The following DPP10 variants were observed in gnomAD, a reference collection of about 807,000 sequenced individuals.
The protein encoded by DPP10 is dipeptidyl peptidase like 10.
Under a neutral mutation model 120.9 loss-of-function variants are expected in DPP10, and 33 were observed. That is an observed-to-expected ratio of 0.27 (90% CI 0.21 to 0.37). DPP10 has a LOEUF of 0.37. DPP10 is among the 10% of genes least tolerant of loss of function. The pLI is 1.00. For synonymous variants in DPP10, 337 were observed against 326.1 expected (o/e 1.03, Z -0.36); for missense variants, 816 against 942.8 (o/e 0.87, Z 1.76).
At chr2:115,033,623 T>C in intron 1 of DPP10, among the ~76,000 whole-genome samples, 1 of 152,050 alleles carries the variant, frequency 6.6e-6, no homozygotes, top group East Asian at 1.9e-4. Flanking sequence ...TTCTGATTTC[T>C]AGTTTTATTT....
intron 1 of DPP10, among the ~76,000 whole-genome samples, chr2:114,749,558 A>C (rs190123817): frequency 2.9e-5 from 4 of 137,684 alleles, no homozygotes; most frequent in African/African-American, 1.1e-4. Flanking sequence ...CTTTTATTTT[A>C]TTTTATTTTA....
chr2:114,606,502 T>G (rs985623994), intron 1 of DPP10, among the ~76,000 whole-genome samples: 14 of 152,164 alleles, frequency 9.2e-5, no homozygotes, highest in African/African-American at 3.1e-4. Context: ...GGGAGTCATT[T>G]GTTAAGTTCT....
At chr2:114,513,427 AG>A (rs1684319861) in intron 1 of DPP10, among the ~76,000 whole-genome samples, 1 of 150,418 alleles carries the variant, frequency 6.6e-6, no homozygotes, top group Admixed American at 6.7e-5. Flanking sequence ...AGGCTGAGGC[AG>A]GAGAATTGCT....
intron 1 of DPP10, among the ~76,000 whole-genome samples, chr2:114,679,099 A>C (rs781468940): frequency 1.1e-3 from 162 of 152,166 alleles, no homozygotes; most frequent in Non-Finnish European, 2.0e-3. Context: ...TTTTCAGACA[A>C]GTTCTGATTA....
chr2:115,555,313 G>T (rs561619462), intron 5 of DPP10, among the ~76,000 whole-genome samples: 1 of 152,094 alleles, frequency 6.6e-6, no homozygotes, highest in East Asian at 1.9e-4. Context: ...CATACAAATT[G>T]TATTAATGTT....
chr2:114,658,166 G>C (rs1697104034), intron 1 of DPP10, among the ~76,000 whole-genome samples: 1 of 152,154 alleles, frequency 6.6e-6, no homozygotes, highest in African/African-American at 2.4e-5. Context: ...GTGTGTAAGG[G>C]GGTAACAAGG....
chr2:114,973,519 G>A (rs867819227), intron 1 of DPP10, among the ~76,000 whole-genome samples: 10 of 151,650 alleles, frequency 6.6e-5, no homozygotes, highest in South Asian at 2.1e-4. Flanking sequence ...AAAATTAGCC[G>A]GGCGTGGTGG....
intron 1 of DPP10, among the ~76,000 whole-genome samples, chr2:115,013,392 G>A (rs1432187881): frequency 6.6e-6 from 1 of 151,956 alleles, no homozygotes; most frequent in Non-Finnish European, 1.5e-5. Context: ...TCCATTTGTG[G>A]GTAACCCAGC....
intron 10 of DPP10, among the ~76,000 whole-genome samples, chr2:115,751,783 A>C (rs1043266461): frequency 4.1e-5 from 6 of 144,876 alleles, no homozygotes; most frequent in South Asian, 2.2e-4. Context: ...TGGGTTAATT[A>C]ACTGTGTTTT....
At chr2:115,368,843 A>T (rs1485349553) in intron 3 of DPP10, among the ~76,000 whole-genome samples, 1 of 151,774 alleles carries the variant, frequency 6.6e-6, no homozygotes, top group Non-Finnish European at 1.5e-5. Context: ...TTCTTTAAAT[A>T]AAATTTGACA....
intron 5 of DPP10, among the ~76,000 whole-genome samples, chr2:115,629,859 C>T (rs565712667): frequency 6.6e-6 from 1 of 152,048 alleles, no homozygotes; most frequent in African/African-American, 2.4e-5. Context: ...TTTGTTCTTG[C>T]CCAGAATTGT....
At chr2:114,557,746 G>A (rs901579280) in intron 1 of DPP10, among the ~76,000 whole-genome samples, 4 of 152,220 alleles carry the variant, frequency 2.6e-5, no homozygotes, top group African/African-American at 7.2e-5. Context: ...GGCTCGGCTC[G>A]CGACTAGCTG....
At chr2:114,995,589 CT>C (rs1386267406) in intron 1 of DPP10, among the ~76,000 whole-genome samples, 2 of 152,154 alleles carry the variant, frequency 1.3e-5, no homozygotes, top group Non-Finnish European at 2.9e-5. Flanking sequence ...GAGCCTTAAA[CT>C]TTGCAAGAGT....
chr2:115,234,746 T>C (rs1274902616), intron 1 of DPP10: 1 of 152,230 alleles, frequency 6.6e-6, no homozygotes, highest in Non-Finnish European at 1.5e-5. Context: ...TATAATTCTT[T>C]CTCATTCCTG....
At chr2:114,951,290 T>C (rs1697765228) in intron 1 of DPP10, among the ~76,000 whole-genome samples, 1 of 152,192 alleles carries the variant, frequency 6.6e-6, no homozygotes, top group African/African-American at 2.4e-5. Context: ...TTTATATTTA[T>C]AATTTGCTCC....
At chr2:114,898,219 A>G (rs1190536291) in intron 1 of DPP10, among the ~76,000 whole-genome samples, 9 of 152,184 alleles carry the variant, frequency 5.9e-5, no homozygotes, top group African/African-American at 2.2e-4. Flanking sequence ...GAAATTGGAA[A>G]TCATCATTCT....
chr2:114,843,719 A>G (rs1166774349), intron 1 of DPP10, among the ~76,000 whole-genome samples: 4 of 151,976 alleles, frequency 2.6e-5, no homozygotes, highest in Admixed American at 1.3e-4. Flanking sequence ...TTTCCCATTT[A>G]TCATTCTGGT....
chr2:115,825,352 C>T (rs1559206560), intron 21 of DPP10, among the ~76,000 whole-genome samples: 1 of 152,186 alleles, frequency 6.6e-6, no homozygotes, highest in African/African-American at 2.4e-5. Context: ...CTGGAAAACA[C>T]TATTCCCTCC....
intron 1 of DPP10, among the ~76,000 whole-genome samples, chr2:114,870,701 G>T (rs1381036943): frequency 2.9e-5 from 4 of 135,674 alleles, no homozygotes; most frequent in African/African-American, 1.0e-4. Context: ...TAAAAAAAAT[G>T]ATTCCAATGG....
Sources: gnomAD v4.1 joint callset for allele counts (sites outside exome capture counted in the v4.1 genomes callset) on GRCh38, gnomAD v4.1.1 for gene constraint, MANE v1.5 for transcripts, NCBI Gene and HGNC (gene_info 2026-07-23, HGNC 2026-07-21) for gene names.